Variants in USP22 observed in about 807,000 individuals in gnomAD.
USP22 encodes ubiquitin specific peptidase 22.
Under a neutral mutation model 68.1 loss-of-function variants are expected in USP22, and 22 were observed. The observed-to-expected ratio is 0.32, with a 90% confidence interval of 0.23 to 0.46. The LOEUF (loss-of-function observed/expected upper bound fraction) is 0.46, where lower values mean the gene tolerates loss of function less well. USP22 is among the 20% of genes least tolerant of loss of function. The probability of loss-of-function intolerance (pLI) is 1.00; values close to 1 mark genes in which losing one functional copy is unlikely to be tolerated. For missense variants in USP22, 433 were observed against 695.8 expected (o/e 0.62, Z 4.25); for synonymous variants, 279 against 274.2 (o/e 1.02, Z -0.17).
At chr17:21,034,212 G>A (rs115186345) in intron 1 of USP22, among the ~76,000 whole-genome samples, 263 of 152,224 alleles carry the variant, frequency 1.7e-3, no homozygotes, top group African/African-American at 6.1e-3. Flanking sequence ...TAAGGGTACA[G>A]CGACTCCAGA....
intron 8 of USP22, among the ~76,000 whole-genome samples, chr17:21,009,929 T>C (rs1913897829): frequency 6.6e-6 from 1 of 150,388 alleles, no homozygotes; most frequent in Non-Finnish European, 1.5e-5. Flanking sequence ...CACTCCAGCC[T>C]GCACTCTAGA....
At chr17:21,005,969 C>T (rs1215432968) in intron 10 of USP22, among the ~76,000 whole-genome samples, 1 of 152,128 alleles carries the variant, frequency 6.6e-6, no homozygotes, top group Non-Finnish European at 1.5e-5. Flanking sequence ...GGGGAGCTGG[C>T]CATGTGACCC....
In USP22 at chr17:20,999,874, A is replaced by C. The variant is rs905329104; in HGVS notation, c.*3157T>G. 1 of 152,258 alleles carries C rather than the reference A, an allele frequency of 6.6e-6. No individual in the cohort carries two copies. The highest frequency in any genetic ancestry group is 2.4e-5 in the African/African-American group (1 of 41,462). 9.4% of individuals were successfully genotyped at this position (152,258 alleles called of 1,614,324 possible). A position where few individuals can be genotyped will look rare whatever the true frequency, so the allele number is the denominator to read the frequency against. On this transcript the variant is annotated 3_prime_UTR_variant, in exon 13 of 13. Coordinates refer to ENST00000261497, the MANE Select transcript of USP22 (RefSeq NM_015276.2). The stretch of plus-strand genomic sequence containing the variant: ...AAAATACAATAGCACTCAGGTCTAT[A>C]TGTTGCAGTGGTGCTGGCGCTGGAG...
intron 1 of USP22, among the ~76,000 whole-genome samples, chr17:21,036,489 A>T (rs1345335361): frequency 7.2e-6 from 1 of 138,834 alleles, no homozygotes; most frequent in East Asian, 2.5e-4. Flanking sequence ...GACTAAAAGC[A>T]AAAGGAACTG....
intron 1 of USP22, among the ~76,000 whole-genome samples, chr17:21,042,026 G>A (rs907311052): frequency 1.1e-4 from 17 of 151,998 alleles, no homozygotes; most frequent in African/African-American, 3.4e-4. Flanking sequence ...GCGAAGCTCC[G>A]GCCCCGCGCC....
At chr17:21,010,918 C>G (rs1483388352) in intron 8 of USP22, among the ~76,000 whole-genome samples, 4 of 152,154 alleles carry the variant, frequency 2.6e-5, no homozygotes, top group Non-Finnish European at 5.9e-5. Context: ...GTTGGAGTAG[C>G]AGCTGCTGAC....
rs763716147 is a variant in USP22 at position 21,017,988 on chromosome 17, C to G, written c.644G>C (p.Ser215Thr). The G allele has an allele frequency of 4.3e-6, 7 of 1,614,166 alleles. No homozygotes were observed. Among genetic ancestry groups the G allele is most frequent in the Non-Finnish European group, 5.9e-6 (7 of 1,180,040 alleles). The change falls in exon 5 of 13, where the codon AGC becomes ACC. Residue 215 changes from serine to threonine, a missense_variant. By Grantham distance (58) the Ser-to-Thr change is moderately conservative (BLOSUM62 1). Transcript: ENST00000261497. ...CTCACAGACCAGACAGGAGCTGGGG[C>G]TCTGCATCTCACAGCGGTGCCTGTC... ...LSDRHRCEMQ[S>T]PSSCLVCEMS...
At chr17:21,013,208 G>T (rs1417683428) in intron 6 of USP22, among the ~76,000 whole-genome samples, 1 of 152,192 alleles carries the variant, frequency 6.6e-6, no homozygotes, top group Non-Finnish European at 1.5e-5. Context: ...AATGCCCAGT[G>T]ACTGAGCAGA....
chr17:21,039,259 T>A (rs1392969465), intron 1 of USP22, among the ~76,000 whole-genome samples: 1 of 151,484 alleles, frequency 6.6e-6, no homozygotes, highest in African/African-American at 2.4e-5. Context: ...CAGAAATATT[T>A]TTATAGTCTG....
chr17:21,012,564 G>A (rs955583880), intron 7 of USP22, among the ~76,000 whole-genome samples: 6 of 152,048 alleles, frequency 3.9e-5, no homozygotes, highest in Admixed American at 6.6e-5. Flanking sequence ...AATGGTAGGG[G>A]AAGCTTCCAA....
At chr17:21,008,906 CA>C (rs1478778058) in intron 8 of USP22, among the ~76,000 whole-genome samples, 1 of 151,940 alleles carries the variant, frequency 6.6e-6, no homozygotes, top group Non-Finnish European at 1.5e-5. Context: ...ACCTGACCAA[CA>C]TAAGAGAAAT....
At chr17:21,003,903 A>AAT (rs1425451466) in intron 12 of USP22, among the ~76,000 whole-genome samples, 2 of 147,928 alleles carry the variant, frequency 1.4e-5, no homozygotes, top group Non-Finnish European at 3.0e-5. Flanking sequence ...TCCGTCTCAA[A>AAT]AAAAAAAAAA....
In USP22 at chr17:21,002,760, A is replaced by G. The variant is rs1398895276; in HGVS notation, c.*271T>C. On this transcript the variant is annotated 3_prime_UTR_variant, in exon 13 of 13. Transcript: ENST00000261497. ...GCACCCCCATGTCATGACACAAGAG[A>G]TGTTCTGGTGACGGGTGTACGCTGC... The G allele has an allele frequency of 2.4e-6, 1 of 421,552 alleles. No homozygotes were observed. Among genetic ancestry groups the G allele is most frequent in the Admixed American group, 3.6e-5 (1 of 27,566 alleles). 26.1% of individuals were successfully genotyped at this position (421,552 alleles called of 1,614,324 possible).
At chr17:21,040,394 G>A (rs749570307) in intron 1 of USP22, among the ~76,000 whole-genome samples, 5 of 152,130 alleles carry the variant, frequency 3.3e-5, no homozygotes, top group African/African-American at 4.8e-5. Flanking sequence ...CCAGTCAGAG[G>A]AAAAAGCATG....
At chr17:21,040,205 T>C (rs1972409039) in intron 1 of USP22, among the ~76,000 whole-genome samples, 1 of 152,142 alleles carries the variant, frequency 6.6e-6, no homozygotes, top group South Asian at 2.1e-4. Flanking sequence ...AAAATAAAAT[T>C]TAAAAAACAA....
intron 9 of USP22, 43 bp from the exon 10 acceptor site, chr17:21,007,030 C>G (rs2143521889): frequency 6.6e-7 from 1 of 1,521,780 alleles, no homozygotes; most frequent in East Asian, 2.5e-5. Flanking sequence ...GAAAGAAGAT[C>G]AGAAATGTCA....
At chr17:21,043,132 C>CA (rs1213315737), upstream of USP22, 1 of 70,572 alleles carries the variant, frequency 1.4e-5, no homozygotes, top group East Asian at 2.3e-4. Context: ...CACCCCCCCC[C>CA]CCCCTCCCGG....
At chr17:21,003,188 C>T (rs1913652192) in intron 12 of USP22, 115 bp from the exon 13 acceptor site, 2 of 1,286,330 alleles carry the variant, frequency 1.6e-6, no homozygotes, top group Admixed American at 3.6e-5. Flanking sequence ...TCGGCCAGGC[C>T]CGAGTTGATG....
At chr17:21,013,443 G>A (rs145397276) in intron 6 of USP22, among the ~76,000 whole-genome samples, 62 of 152,290 alleles carry the variant, frequency 4.1e-4, no homozygotes, top group Non-Finnish European at 7.3e-5. Flanking sequence ...AGTTGCATCT[G>A]GAAGTGCCAC....
Sources: gnomAD v4.1 joint callset for allele counts (sites outside exome capture counted in the v4.1 genomes callset) on GRCh38, gnomAD v4.1.1 for gene constraint, MANE v1.5 for transcripts, NCBI Gene and HGNC (gene_info 2026-07-23, HGNC 2026-07-21) for gene names.